QTMAN: variants seen among roughly 807,000 people sequenced by gnomAD.
QTMAN encodes tRNA-queuosine alpha-mannosyltransferase.
chr2:144,159,317 A>G, the QTMAN span, among the ~76,000 whole-genome samples: 1 of 152,122 alleles, frequency 6.6e-6, no homozygotes, highest in African/African-American at 2.4e-5. Context: ...GAAAAAAAAT[A>G]GTGTTAAAAC....
At chr2:144,249,185 G>C in the QTMAN span, among the ~76,000 whole-genome samples, 46 of 152,224 alleles carry the variant, frequency 3.0e-4, no homozygotes, top group African/African-American at 1.1e-3. Flanking sequence ...AAATGACGCA[G>C]CACAAATTCT....
chr2:144,253,505 T>C, the QTMAN span, among the ~76,000 whole-genome samples: 1 of 152,160 alleles, frequency 6.6e-6, no homozygotes, highest in African/African-American at 2.4e-5. Context: ...AAAATGCTGA[T>C]AGCGATACAG....
At chr2:144,256,667 A>G in the QTMAN span, among the ~76,000 whole-genome samples, 4 of 152,120 alleles carry the variant, frequency 2.6e-5, no homozygotes, top group African/African-American at 7.2e-5. Flanking sequence ...ACATAGACAC[A>G]GGGAGGGGAA....
At chr2:144,215,244 T>A in the QTMAN span, among the ~76,000 whole-genome samples, 1 of 147,002 alleles carries the variant, frequency 6.8e-6, no homozygotes, top group Non-Finnish European at 1.5e-5. Context: ...CCTGTCTTTA[T>A]TTTTTAAAAA....
chr2:144,324,524 A>T, the QTMAN span, among the ~76,000 whole-genome samples: 4 of 152,192 alleles, frequency 2.6e-5, no homozygotes, highest in Non-Finnish European at 4.4e-5. Flanking sequence ...GCTGCTCATA[A>T]ATGGCCCAGA....
chr2:144,144,461 A>G, the QTMAN span, among the ~76,000 whole-genome samples: 1 of 152,004 alleles, frequency 6.6e-6, no homozygotes, highest in Non-Finnish European at 1.5e-5. Context: ...TCAAGAAATC[A>G]AAAGAATATT....
At chr2:144,068,432 T>TCATCA in the QTMAN span, among the ~76,000 whole-genome samples, 4 of 152,196 alleles carry the variant, frequency 2.6e-5, no homozygotes, top group Non-Finnish European at 4.4e-5. Context: ...CACAAAAACA[T>TCATCA]CATCACAAAA....
chr2:144,199,293 C>T, the QTMAN span, among the ~76,000 whole-genome samples: 2 of 152,196 alleles, frequency 1.3e-5, no homozygotes, highest in Non-Finnish European at 2.9e-5. Flanking sequence ...AGGTGATCCG[C>T]CCGCCTCGGA....
the QTMAN span, among the ~76,000 whole-genome samples, chr2:144,281,768 T>C: frequency 7.9e-5 from 12 of 152,172 alleles, no homozygotes; most frequent in Non-Finnish European, 1.5e-4. Context: ...AACAACTGCA[T>C]AGCCAGGAAA....
chr2:143,951,376 A>C, the QTMAN span, among the ~76,000 whole-genome samples: 1 of 151,590 alleles, frequency 6.6e-6, no homozygotes, highest in Non-Finnish European at 1.5e-5. Context: ...AAAAGAAGAT[A>C]ACGAATGAGG....
the QTMAN span, among the ~76,000 whole-genome samples, chr2:144,072,801 A>G: frequency 6.6e-6 from 1 of 152,224 alleles, no homozygotes; most frequent in African/African-American, 2.4e-5. Context: ...CATTCTAGAA[A>G]ATACTTTCGT....
chr2:144,247,125 A>G, the QTMAN span, among the ~76,000 whole-genome samples: 1 of 152,232 alleles, frequency 6.6e-6, no homozygotes, highest in Non-Finnish European at 1.5e-5. Context: ...AGAAAAGGCA[A>G]AGGAAGTTCC....
the QTMAN span, among the ~76,000 whole-genome samples, chr2:144,138,719 T>A: frequency 6.6e-6 from 1 of 152,016 alleles, no homozygotes; most frequent in African/African-American, 2.4e-5. Context: ...TAAATTAAAG[T>A]TGTCTTCTGA....
At chr2:144,294,769 G>A in the QTMAN span, among the ~76,000 whole-genome samples, 1 of 152,134 alleles carries the variant, frequency 6.6e-6, no homozygotes, top group Non-Finnish European at 1.5e-5. Flanking sequence ...TAGTATCAAT[G>A]AGTAAAATCC....
the QTMAN span, among the ~76,000 whole-genome samples, chr2:143,955,064 C>A: frequency 6.6e-6 from 1 of 152,086 alleles, no homozygotes; most frequent in Admixed American, 6.6e-5. Context: ...CTCTCAGTCG[C>A]ATTATCTAGC....
the QTMAN span, among the ~76,000 whole-genome samples, chr2:144,091,261 A>G: frequency 2.0e-5 from 3 of 152,246 alleles, no homozygotes; most frequent in Non-Finnish European, 2.9e-5. Flanking sequence ...AAATTGTAAA[A>G]CCTAAATCTA....
the QTMAN span, among the ~76,000 whole-genome samples, chr2:144,329,241 CA>C: frequency 2.2e-5 from 3 of 135,072 alleles, no homozygotes; most frequent in Non-Finnish European, 1.6e-5. Flanking sequence ...GACTCTGCCT[CA>C]AAAAAAAATA....
At chr2:144,290,388 C>G in the QTMAN span, among the ~76,000 whole-genome samples, 1 of 152,186 alleles carries the variant, frequency 6.6e-6, no homozygotes, top group Non-Finnish European at 1.5e-5. Context: ...ACCCTCCTAT[C>G]GAAACTTCTA....
the QTMAN span, among the ~76,000 whole-genome samples, chr2:144,266,962 C>T: frequency 6.6e-6 from 1 of 151,906 alleles, no homozygotes; most frequent in African/African-American, 2.4e-5. Flanking sequence ...GGCTCAAGGA[C>T]ATTAGAGGTA....
Sources: gnomAD v4.1 joint callset for allele counts (sites outside exome capture counted in the v4.1 genomes callset) on GRCh38, gnomAD v4.1.1 for gene constraint, MANE v1.5 for transcripts, NCBI Gene and HGNC (gene_info 2026-07-23, HGNC 2026-07-21) for gene names.